Variants in FASTKD2 observed in about 807,000 individuals in gnomAD.
The protein encoded by FASTKD2 is FAST kinase domains 2.
A neutral mutation model predicts 63.6 loss-of-function variants in FASTKD2; 51 were observed. That is an observed-to-expected ratio of 0.80 (90% CI 0.64 to 1.01). The LOEUF (loss-of-function observed/expected upper bound fraction) is 1.01. Ranked by LOEUF, FASTKD2 falls within the 50% of genes least tolerant of loss-of-function variation. The pLI, the probability that FASTKD2 is intolerant of heterozygous loss-of-function variation, is 0.00. For missense variants in FASTKD2, 786 were observed against 831.1 expected (o/e 0.95, Z 0.67); for synonymous variants, 284 against 293.4 (o/e 0.97, Z 0.33).
At position 206,792,297 on chromosome 2, in the gene FASTKD2, A is replaced by G. The variant is rs1243876711; in HGVS notation, c.*495A>G. 6 of 174,158 alleles carry G rather than the reference A, an allele frequency of 3.4e-5. No homozygotes were observed. Among genetic ancestry groups the G allele is most frequent in the Admixed American group, 3.3e-4 (6 of 18,092 alleles). The allele number at this position is 174,158 out of a possible 1,614,324, so 10.8% of individuals were successfully genotyped here. A position where few individuals can be genotyped will look rare whatever the true frequency, so the allele number is the denominator to read the frequency against. ...AAGAATTAGTGAGGTAGCTGTTGAAAATGAGTGAGGATGGTATTTGTATTT... is the reference window on the plus strand; with the variant it reads ...AAGAATTAGTGAGGTAGCTGTTGAAGATGAGTGAGGATGGTATTTGTATTT... On this transcript the variant is annotated 3_prime_UTR_variant, in exon 12 of 12. Transcript: ENST00000402774.
At position 206,772,298 on chromosome 2, in the gene FASTKD2, T is replaced by C; in HGVS notation, c.1232T>C (p.Phe411Ser). The C allele has an allele frequency of 6.2e-7, 1 of 1,614,076 alleles. No homozygotes were observed. Among genetic ancestry groups the C allele is most frequent in the Non-Finnish European group, 8.5e-7 (1 of 1,179,940 alleles). ...CTTGCAGATTATGTGGCTGCAACTT[T>C]CGACATCTGGAAGTTCAGAAAAGTG... ...KGLADYVAATFDIWKFRKVLF... is the reference protein window; with the variant it reads ...KGLADYVAATSDIWKFRKVLF... The change falls in exon 6 of 12, where the codon TTC becomes TCC. Residue 411 changes from phenylalanine (F) to serine (S), a missense_variant. Physicochemically the swap from Phe to Ser is radical, Grantham distance 155. Transcript: ENST00000402774.
In FASTKD2 at chr2:206,767,037, A is replaced by G; in HGVS notation, c.344A>G (p.Asp115Gly). The G allele has an allele frequency of 1.2e-6, 2 of 1,613,672 alleles. No homozygotes were observed. Among genetic ancestry groups the G allele is most frequent in the African/African-American group, 2.7e-5 (2 of 75,032 alleles). Residue 115 changes from aspartate to glycine, a missense_variant, in exon 2 of 12, where the codon GAC becomes GGC. Coordinates refer to ENST00000402774, the MANE Select transcript of FASTKD2 (RefSeq NM_001136193.2). ...CTTTATGCTAAAAGACTGTTTTTTG[A>G]CTCAAAGCAGTCTCTTGTCCCTGTT... is the stretch of plus-strand genomic sequence containing the variant. ...RLLYAKRLFF[D>G]SKQSLVPVDK...
intron 1 of FASTKD2, among the ~76,000 whole-genome samples, chr2:206,766,090 T>G (rs181504193): frequency 1.3e-5 from 2 of 151,598 alleles, no homozygotes; most frequent in East Asian, 3.9e-4. Flanking sequence ...TGAAACTCCG[T>G]CTTTACAAAA....
In FASTKD2 at chr2:206,793,238, A is replaced by AC. The variant is rs1238422511; in HGVS notation, c.*1436_*1437insC. On this transcript the variant is annotated 3_prime_UTR_variant, in exon 12 of 12. Transcript: ENST00000402774. Reference sequence around the variant, plus strand: ...TCTGTCTCAAAAAAAAAAAAAAAAAAAAAAAAAAAAAAATACAAAAACTAT... The same window carrying AC: ...TCTGTCTCAAAAAAAAAAAAAAAAAACAAAAAAAAAAAAATACAAAAACTAT... Among the ~76,000 whole-genome samples, 5 of 148,852 alleles carry AC rather than the reference A, an allele frequency of 3.4e-5. No homozygotes were observed. The highest frequency in any genetic ancestry group is 2.1e-4 in the South Asian group (1 of 4,726).
At position 206,791,932 on chromosome 2, in the gene FASTKD2, T is replaced by C; in HGVS notation, c.*130T>C. Reference sequence around the variant, plus strand: ...TGTTACCTCAGTTCACTATTAAAATTAATTTTAGGAGTGGAAGAAATGTTG... The same window carrying C: ...TGTTACCTCAGTTCACTATTAAAATCAATTTTAGGAGTGGAAGAAATGTTG... On this transcript the variant is annotated 3_prime_UTR_variant, in exon 12 of 12. Coordinates refer to ENST00000402774, the MANE Select transcript of FASTKD2 (RefSeq NM_001136193.2). 1 of 797,964 alleles carries C rather than the reference T, an allele frequency of 1.3e-6. No individual in the cohort carries two copies. Among genetic ancestry groups the C allele is most frequent in the Non-Finnish European group, 2.0e-6 (1 of 499,146 alleles). 49.4% of individuals were successfully genotyped at this position (797,964 alleles called of 1,614,324 possible). A position where few individuals can be genotyped will look rare whatever the true frequency, so the allele number is the denominator to read the frequency against.
At chr2:206,780,127 A>AT (rs1356742951) in intron 7 of FASTKD2, among the ~76,000 whole-genome samples, 2 of 152,136 alleles carry the variant, frequency 1.3e-5, no homozygotes, top group Admixed American at 1.3e-4. Context: ...TTTTTTTAAC[A>AT]TTTATACTAG....
At chr2:206,786,092 A>G (rs977635528) in intron 7 of FASTKD2, among the ~76,000 whole-genome samples, 2 of 152,212 alleles carry the variant, frequency 1.3e-5, no homozygotes, top group African/African-American at 4.8e-5. Flanking sequence ...TATGTATCAT[A>G]TGCCCTGAGA....
At chr2:206,786,621 G>A (rs1433154807) in intron 7 of FASTKD2, 112 bp from the exon 8 acceptor site, 2 of 894,418 alleles carry the variant, frequency 2.2e-6, no homozygotes, top group Admixed American at 3.4e-5. Context: ...TGTCCAGAAT[G>A]ATGTGTGGAT....
chr2:206,787,174 A>G (rs917722569), intron 8 of FASTKD2, among the ~76,000 whole-genome samples: 6 of 152,164 alleles, frequency 3.9e-5, no homozygotes, highest in East Asian at 1.9e-4. Flanking sequence ...CTTCTATACA[A>G]AGGCTAACTG....
At chr2:206,771,817 C>T (rs1689690406) in intron 4 of FASTKD2, 77 bp from the exon 5 acceptor site, 1 of 1,195,266 alleles carries the variant, frequency 8.4e-7, no homozygotes, top group Non-Finnish European at 1.2e-6. Flanking sequence ...AGCACAAGAC[C>T]CTGTCTCAAT....
Position 206,793,220 on chromosome 2 carries a change from C to CAAAAAAAAAA in FASTKD2, c.*1440_*1449dup, listed in dbSNP as rs58656956. Among the ~76,000 whole-genome samples, 45 of 65,810 alleles carry CAAAAAAAAAA rather than the reference C, an allele frequency of 6.8e-4. 1 individual carries two copies. Among genetic ancestry groups the CAAAAAAAAAA allele is most frequent in the East Asian group, 1.7e-3 (2 of 1,162 alleles). The allele number at this position is 65,810 out of a possible 152,430, so 43.2% of individuals were successfully genotyped here. ...CTGACCACAGAGCGAGACTCTGTCTCAAAAAAAAAAAAAAAAAAAAAAAAA... is the reference window on the plus strand; with the variant it reads ...CTGACCACAGAGCGAGACTCTGTCTCAAAAAAAAAAAAAAAAAAAAAAAAAAAAAAAAAAA... On this transcript the variant is annotated 3_prime_UTR_variant, in exon 12 of 12. Coordinates refer to ENST00000402774, the MANE Select transcript of FASTKD2 (RefSeq NM_001136193.2).
chr2:206,766,749 A>G lies in FASTKD2; in HGVS notation c.56A>G (p.Asn19Ser), dbSNP rs1398346221. Reference sequence around the variant, plus strand: ...GTTTCAGTGGAGAGCAAAATGAATAACAAAGCGGGCTCCTTTTTCTGGAAC... The same window carrying G: ...GTTTCAGTGGAGAGCAAAATGAATAGCAAAGCGGGCTCCTTTTTCTGGAAC... ...GSVSVESKMN[N>S]KAGSFFWNLR... The change falls in exon 2 of 12, where the codon AAC becomes AGC. Residue 19 changes from asparagine (N) to serine (S), a missense_variant. Coordinates refer to ENST00000402774, the MANE Select transcript of FASTKD2 (RefSeq NM_001136193.2). The G allele has an allele frequency of 1.9e-6, 3 of 1,613,916 alleles. No individual in the cohort carries two copies. In the Admixed American group the frequency reaches 5.0e-5, roughly 27 times the overall value.
At chr2:206,782,450 T>G (rs1296871398) in intron 7 of FASTKD2, among the ~76,000 whole-genome samples, 1 of 152,252 alleles carries the variant, frequency 6.6e-6, no homozygotes, top group Non-Finnish European at 1.5e-5. Context: ...AGTTTTGACC[T>G]TAACTATTCA....
chr2:206,767,408 A>G lies in FASTKD2; in HGVS notation c.715A>G (p.Ile239Val), dbSNP rs774659937. Reference protein sequence around the residue: ...YKYLLFSLHAIVKLGIPQNTI... With the variant: ...YKYLLFSLHAVVKLGIPQNTI... ...GTACCTACTGTTCAGTCTTCACGCC[A>G]TAGTGAAGCTTGGAATCCCTCAGAA... The change falls in exon 2 of 12, where the codon ATA becomes GTA. Residue 239 changes from isoleucine to valine, a missense_variant. Physicochemically the swap from Ile to Val is conservative, Grantham distance 29. Coordinates refer to ENST00000402774, the MANE Select transcript of FASTKD2 (RefSeq NM_001136193.2). The G allele has an allele frequency of 5.0e-6, 8 of 1,613,420 alleles. No homozygotes were observed. The African/African-American group carries it at 5.3e-5, about 11-fold the overall frequency.
intron 11 of FASTKD2, 199 bp downstream of exon 11, chr2:206,790,885 A>G (rs1344850233): frequency 1.8e-6 from 1 of 558,598 alleles, no homozygotes; most frequent in Non-Finnish European, 3.2e-6. Flanking sequence ...GATTACTGTC[A>G]TTACTAGAGC....
chr2:206,782,209 G>A (rs1196292206), intron 7 of FASTKD2, among the ~76,000 whole-genome samples: 4 of 152,196 alleles, frequency 2.6e-5, no homozygotes, highest in African/African-American at 7.2e-5. Context: ...AGAAGTCCTA[G>A]GCCAAGGTGA....
intron 6 of FASTKD2, 23 bp downstream of exon 6, chr2:206,772,343 A>G (rs764272601): frequency 1.4e-5 from 22 of 1,609,972 alleles, no homozygotes; most frequent in Non-Finnish European, 1.7e-5. Flanking sequence ...ACAATTTAGA[A>G]TAAGCCTCAC....
rs898072430 is a variant in FASTKD2 at position 206,793,697 on chromosome 2, T to G, written c.*1895T>G. On this transcript the variant is annotated 3_prime_UTR_variant, in exon 12 of 12. Coordinates refer to ENST00000402774, the MANE Select transcript of FASTKD2 (RefSeq NM_001136193.2). The stretch of plus-strand genomic sequence containing the variant: ...AATTTGTGAATATTTATGACCACCT[T>G]TTAGGGTAGTAATTTTCAGTTTGTA... 2.6e-5 allele frequency among the ~76,000 whole-genome samples: 4 copies of G among 152,208 alleles called. No individual in the cohort carries two copies. The highest frequency in any genetic ancestry group is 4.8e-5 in the African/African-American group (2 of 41,448).
intron 7 of FASTKD2, among the ~76,000 whole-genome samples, chr2:206,777,386 T>C (rs961964113): frequency 2.0e-5 from 3 of 152,174 alleles, no homozygotes; most frequent in African/African-American, 7.2e-5. Context: ...TCATAAAGGT[T>C]GTTGAATTTC....
Sources: gnomAD v4.1 joint callset for allele counts (sites outside exome capture counted in the v4.1 genomes callset) on GRCh38, gnomAD v4.1.1 for gene constraint, MANE v1.5 for transcripts, NCBI Gene and HGNC (gene_info 2026-07-23, HGNC 2026-07-21) for gene names.